Variants in GBE1 observed in about 807,000 individuals in gnomAD.
The protein encoded by GBE1 is 1,4-alpha-glucan-branching enzyme.
GBE1 carries 70 observed loss-of-function variants against 88.8 expected under a neutral mutation model. The ratio of observed to expected loss-of-function variants is 0.79; its 90% CI spans 0.65 to 0.96. The LOEUF (loss-of-function observed/expected upper bound fraction) is 0.96, where lower values mean the gene tolerates loss of function less well. GBE1 is among the 40% of genes least tolerant of loss of function. GBE1 has a pLI of 0.00. For missense variants in GBE1, 872 were observed against 871.0 expected, an observed-to-expected ratio of 1.00 and a Z score of -0.01; for synonymous variants, 284 against 300.1, an observed-to-expected ratio of 0.95 and a Z score of 0.56.
chr3:81,641,264 AC>A (rs1704674291), intron 7 of GBE1, among the ~76,000 whole-genome samples: 1 of 152,100 alleles, frequency 6.6e-6, no homozygotes, highest in Non-Finnish European at 1.5e-5. Flanking sequence ...CCAATTATAA[AC>A]CAGAGAGTTC....
chr3:81,502,049 C>A (rs1410180279), intron 14 of GBE1, among the ~76,000 whole-genome samples: 2 of 145,622 alleles, frequency 1.4e-5, no homozygotes, highest in East Asian at 4.0e-4. Context: ...AAAATTATTT[C>A]TCTGACACAG....
chr3:81,663,366 C>A (rs1272099640), intron 3 of GBE1, among the ~76,000 whole-genome samples: 1 of 152,132 alleles, frequency 6.6e-6, no homozygotes, highest in Non-Finnish European at 1.5e-5. Flanking sequence ...AGGGGGCACG[C>A]CAGCTGAAGA....
At chr3:81,673,423 A>G (rs530871203) in intron 2 of GBE1, among the ~76,000 whole-genome samples, 2 of 152,048 alleles carry the variant, frequency 1.3e-5, no homozygotes, top group Admixed American at 1.3e-4. Context: ...AAATTGAGTT[A>G]TAATAGACCA....
In GBE1 at chr3:81,761,475, C is replaced by G; in HGVS notation, c.43G>C (p.Glu15Gln). Residue 15 changes from glutamate to glutamine, a missense_variant, in exon 1 of 16, where the codon GAG becomes CAG. Glu to Gln is a conservative substitution (Grantham distance 29). Coordinates refer to ENST00000429644, the MANE Select transcript of GBE1 (RefSeq NM_000158.4). ...MTPAARPEDY[E>Q]AALNAALADV... ...GCCAGGGCGGCATTGAGCGCCGCCT[C>G]GTAGTCCTCGGGCCGAGCCGCGGGA... 2 of 1,612,854 alleles carry G rather than the reference C, an allele frequency of 1.2e-6. No homozygotes were observed. Among genetic ancestry groups the G allele is most frequent in the Non-Finnish European group, 1.7e-6 (2 of 1,179,610 alleles).
chr3:81,501,164 A>G (rs7622741), intron 14 of GBE1, among the ~76,000 whole-genome samples: 45,784 of 152,110 alleles, frequency 0.3, 7,158 homozygotes, highest in East Asian at 0.43. Flanking sequence ...TGCCTTTTAC[A>G]CAACGAATGA....
At chr3:81,557,566 G>C (rs193215182) in intron 12 of GBE1, among the ~76,000 whole-genome samples, 154 of 152,038 alleles carry the variant, frequency 1.0e-3, no homozygotes, top group African/African-American at 3.3e-3. Flanking sequence ...TTTATAGGGA[G>C]GATGACTTCA....
At chr3:81,620,821 G>T (rs1231556804) in intron 7 of GBE1, among the ~76,000 whole-genome samples, 1 of 152,146 alleles carries the variant, frequency 6.6e-6, no homozygotes, top group African/African-American at 2.4e-5. Flanking sequence ...GAGGACAGGA[G>T]ATCTTCTATG....
At chr3:81,612,220 T>TTAAAA (rs1704190735) in intron 7 of GBE1, 1 of 240,396 alleles carries the variant, frequency 4.2e-6, no homozygotes, top group Admixed American at 7.0e-5. Flanking sequence ...CACGCTCCTT[T>TTAAAA]AAAAAAAAAA....
chr3:81,625,307 T>C (rs1323892287), intron 7 of GBE1, among the ~76,000 whole-genome samples: 1 of 152,202 alleles, frequency 6.6e-6, no homozygotes, highest in Non-Finnish European at 1.5e-5. Flanking sequence ...TTGGCTATGA[T>C]CTTTTAATAT....
At chr3:81,691,498 G>A (rs909905352) in intron 2 of GBE1, among the ~76,000 whole-genome samples, 3 of 152,166 alleles carry the variant, frequency 2.0e-5, no homozygotes, top group African/African-American at 7.2e-5. Context: ...GTTGGATGCA[G>A]TGGCTCACAC....
chr3:81,652,156 A>G (rs1324634896), intron 3 of GBE1, among the ~76,000 whole-genome samples: 1 of 152,206 alleles, frequency 6.6e-6, no homozygotes, highest in Non-Finnish European at 1.5e-5. Context: ...TCCAGGCTCA[A>G]TATTATCCAG....
intron 13 of GBE1, among the ~76,000 whole-genome samples, chr3:81,536,045 C>A (rs980585155): frequency 3.9e-5 from 6 of 151,936 alleles, no homozygotes; most frequent in Non-Finnish European, 8.8e-5. Flanking sequence ...ATGTGAACTA[C>A]AGCTCTAGAG....
chr3:81,579,826 G>T (rs185476241), intron 11 of GBE1, among the ~76,000 whole-genome samples: 1 of 152,074 alleles, frequency 6.6e-6, no homozygotes, highest in East Asian at 1.9e-4. Flanking sequence ...TTTAACATGA[G>T]TTTACTTCAG....
At chr3:81,629,018 GTT>G (rs34707682) in intron 7 of GBE1, among the ~76,000 whole-genome samples, 37 of 97,984 alleles carry the variant, frequency 3.8e-4, no homozygotes, top group South Asian at 1.0e-3. Flanking sequence ...TTATGTTTAA[GTT>G]TTTTTTTTTT....
intron 13 of GBE1, among the ~76,000 whole-genome samples, chr3:81,535,546 G>T (rs1455245926): frequency 6.6e-6 from 1 of 151,940 alleles, no homozygotes; most frequent in African/African-American, 2.4e-5. Context: ...CCAGCCACTT[G>T]CTACCCTCAT....
chr3:81,646,524 T>TA (rs759451512), intron 5 of GBE1, 42 bp from the exon 6 acceptor site: 257 of 1,100,598 alleles, frequency 2.3e-4, no homozygotes, highest in Non-Finnish European at 2.8e-4. Context: ...AAGCCACATT[T>TA]AAAAAAAAAG....
At chr3:81,732,588 C>A (rs996478200) in intron 1 of GBE1, among the ~76,000 whole-genome samples, 3 of 152,098 alleles carry the variant, frequency 2.0e-5, no homozygotes, top group African/African-American at 7.2e-5. Context: ...GCTTTTGACT[C>A]AGCTTTCATA....
At chr3:81,541,585 A>G (rs2106878927) in intron 12 of GBE1, among the ~76,000 whole-genome samples, 2 of 152,032 alleles carry the variant, frequency 1.3e-5, no homozygotes, top group Admixed American at 1.3e-4. Flanking sequence ...ATGTTGTTAT[A>G]AAACAGGCCC....
At chr3:81,650,429 C>A (rs1704829270) in intron 3 of GBE1, 1 of 152,464 alleles carries the variant, frequency 6.6e-6, no homozygotes. Context: ...ATTTTCCACA[C>A]CTTCTCAACT....
Sources: allele counts gnomAD v4.1 joint callset (sites outside exome capture counted in the v4.1 genomes callset), GRCh38; gene constraint gnomAD v4.1.1; transcripts MANE v1.5; gene names NCBI Gene and HGNC (gene_info 2026-07-23, HGNC 2026-07-21).